TRMT11: variants seen among roughly 807,000 people sequenced by gnomAD.
TRMT11 encodes tRNA methyltransferase 11, also known as tRNA (guanine(10)-N(2))-methyltransferase TRMT11.
In TRMT11, 53 loss-of-function variants were observed where a neutral mutation model predicts 62.8. The ratio of observed to expected loss-of-function variants is 0.84; its 90% confidence interval spans 0.68 to 1.06. The LOEUF is 1.06. Among genes scored for constraint, TRMT11 ranks in the 50% least tolerant of loss-of-function variants. TRMT11 has a pLI of 0.00. For synonymous variants in TRMT11, 188 were observed against 190.3 expected, an observed-to-expected ratio of 0.99 and a Z score of 0.10; for missense variants, 556 against 553.4, an observed-to-expected ratio of 1.00 and a Z score of -0.05.
At chr6:126,157,553 T>C (rs1778135882) in intron 21 of TRMT11, among the ~76,000 whole-genome samples, 1 of 152,146 alleles carries the variant, frequency 6.6e-6, no homozygotes, top group Non-Finnish European at 1.5e-5. Flanking sequence ...CCCGCTGGAT[T>C]AAGAGGGTGC....
At chr6:126,024,430 C>T (rs1214522958) in intron 12 of TRMT11, among the ~76,000 whole-genome samples, 2 of 152,156 alleles carry the variant, frequency 1.3e-5, no homozygotes, top group African/African-American at 4.8e-5. Context: ...TGGATTTAGA[C>T]AGTGTCTCAC....
the TRMT11 span, among the ~76,000 whole-genome samples, chr6:126,247,576 A>G: frequency 4.8e-4 from 71 of 147,270 alleles, 3 homozygotes; most frequent in South Asian, 0.015. Flanking sequence ...ATATATATAT[A>G]TAATAGTCAT....
At chr6:126,117,508 C>A (rs539482882) in intron 21 of TRMT11, among the ~76,000 whole-genome samples, 46 of 152,214 alleles carry the variant, frequency 3.0e-4, no homozygotes, top group African/African-American at 1.0e-3. Flanking sequence ...ATCCTTCTCT[C>A]ACGTTGAATG....
chr6:126,093,627 A>ATTTTTTTTTTTT lies in TRMT11; in HGVS notation c.*1438-19238_*1438-19237insTTTTTTTTTTTT, dbSNP rs1343339966. ...TATATATATATATATATATATATATATATATTTTCCCCCAGTCCTGGAGGA... is the reference window on the plus strand; with the variant it reads ...TATATATATATATATATATATATATATTTTTTTTTTTTTATATTTTCCCCCAGTCCTGGAGGA... On this transcript the variant is annotated intron_variant and NMD_transcript_variant, in intron 17 of 22. Transcript: ENST00000648977. Among the ~76,000 whole-genome samples the ATTTTTTTTTTTT allele has an allele frequency of 5.0e-4, 47 of 94,630 alleles. 2 individuals are homozygous for ATTTTTTTTTTTT. The highest frequency in any genetic ancestry group is 2.2e-3 in the African/African-American group (47 of 21,144). The allele number at this position is 94,630 out of a possible 152,430, so 62.1% of individuals were successfully genotyped here.
chr6:126,048,906 A>G (rs917002650), intron 16 of TRMT11, among the ~76,000 whole-genome samples: 5 of 152,120 alleles, frequency 3.3e-5, no homozygotes, highest in Admixed American at 6.5e-5. Context: ...TTCCAGTGCA[A>G]TCATTTGACT....
At chr6:126,074,108 C>T (rs137981078) in intron 17 of TRMT11, among the ~76,000 whole-genome samples, 14 of 152,216 alleles carry the variant, frequency 9.2e-5, no homozygotes, top group African/African-American at 3.1e-4. Flanking sequence ...TGAGTGGGGG[C>T]GTAGCCAAAC....
intron 3 of TRMT11, among the ~76,000 whole-genome samples, chr6:125,997,834 T>C (rs141444527): frequency 1.1e-4 from 16 of 152,348 alleles, no homozygotes; most frequent in African/African-American, 3.6e-4. Flanking sequence ...ACATTTTTAT[T>C]TGGTCATTAG....
chr6:126,095,080 A>AT, intron 17 of TRMT11, among the ~76,000 whole-genome samples: 1 of 152,262 alleles, frequency 6.6e-6, no homozygotes, highest in South Asian at 2.1e-4. Context: ...TCAAGGTCAC[A>AT]TTTTTCATTA....
intron 17 of TRMT11, among the ~76,000 whole-genome samples, chr6:126,110,586 C>T (rs1777519624): frequency 6.6e-6 from 1 of 151,948 alleles, no homozygotes; most frequent in South Asian, 2.1e-4. Flanking sequence ...TTCTGGATAC[C>T]ATAGCAATAG....
At chr6:126,217,318 A>C in the TRMT11 span, among the ~76,000 whole-genome samples, 1 of 152,124 alleles carries the variant, frequency 6.6e-6, no homozygotes, top group Non-Finnish European at 1.5e-5. Context: ...TGGGCATTGA[A>C]GAGTCAGGTA....
intron 12 of TRMT11, among the ~76,000 whole-genome samples, chr6:126,031,805 C>G (rs928081953): frequency 8.5e-5 from 13 of 152,134 alleles, no homozygotes; most frequent in Non-Finnish European, 1.8e-4. Context: ...GTGGCAGAAG[C>G]TCTGTGTTCT....
At chr6:125,992,942 C>T (rs769114920) in intron 1 of TRMT11, among the ~76,000 whole-genome samples, 2 of 152,160 alleles carry the variant, frequency 1.3e-5, no homozygotes, top group Non-Finnish European at 2.9e-5. Flanking sequence ...TCTCATTCTT[C>T]TTGGTCTTGG....
At chr6:126,151,905 C>CTCTTTCTTTCTTTCGTTCTTTCTT (rs1778058093) in intron 21 of TRMT11, among the ~76,000 whole-genome samples, 1 of 80,362 alleles carries the variant, frequency 1.2e-5, no homozygotes. Context: ...TCTTTCTTTT[C>CTCTTTCTTTCTTTCGTTCTTTCTT]TCTTTCTTTC....
intron 21 of TRMT11, among the ~76,000 whole-genome samples, chr6:126,127,214 G>T (rs1055486117): frequency 6.6e-6 from 1 of 152,122 alleles, no homozygotes; most frequent in Non-Finnish European, 1.5e-5. Flanking sequence ...AGGATGGATT[G>T]TGGGAACCCA....
At chr6:126,149,373 T>C (rs1443688348) in intron 21 of TRMT11, among the ~76,000 whole-genome samples, 1 of 152,216 alleles carries the variant, frequency 6.6e-6, no homozygotes, top group Non-Finnish European at 1.5e-5. Flanking sequence ...ATTCTCTTTA[T>C]TTTGTATCTC....
chr6:126,183,118 G>C (rs1031049626), intron 1 of TRMT11, among the ~76,000 whole-genome samples: 11 of 152,154 alleles, frequency 7.2e-5, no homozygotes, highest in African/African-American at 2.7e-4. Flanking sequence ...GCAGGGGTAA[G>C]ATGACTTATT....
chr6:125,997,676 T>A (rs987966488), intron 3 of TRMT11, among the ~76,000 whole-genome samples: 2 of 152,112 alleles, frequency 1.3e-5, no homozygotes, highest in Non-Finnish European at 2.9e-5. Context: ...CCTGGCTGAT[T>A]TTTTGCCTTT....
chr6:126,088,796 G>A (rs2128164662), intron 17 of TRMT11, among the ~76,000 whole-genome samples: 1 of 152,274 alleles, frequency 6.6e-6, no homozygotes, highest in South Asian at 2.1e-4. Context: ...GGTTTGGTGA[G>A]AACAGACATT....
chr6:126,176,206 A>C (rs1269232228), upstream of TRMT11, among the ~76,000 whole-genome samples: 1 of 152,214 alleles, frequency 6.6e-6, no homozygotes, highest in Non-Finnish European at 1.5e-5. Context: ...GGCAAAGGCC[A>C]CAGTGAAAGC....
Sources: allele counts gnomAD v4.1 joint callset (sites outside exome capture counted in the v4.1 genomes callset), GRCh38; gene constraint gnomAD v4.1.1; transcripts MANE v1.5; gene names NCBI Gene and HGNC (gene_info 2026-07-23, HGNC 2026-07-21).